Variants in RNF212B observed in about 807,000 individuals in gnomAD.
RNF212B encodes E3 ubiquitin-protein ligase RNF212B.
RNF212B carries 52 observed loss-of-function variants against 55.5 expected under a neutral mutation model. The observed-to-expected ratio is 0.94, with a 90% CI of 0.75 to 1.18. The LOEUF is 1.18. Among genes scored for constraint, RNF212B ranks in the 50% most tolerant of loss-of-function variants. The probability of loss-of-function intolerance (pLI) is 0.00; values close to 1 mark genes in which losing one functional copy is unlikely to be tolerated. For missense variants in RNF212B, 289 were observed against 350.4 expected (o/e 0.82, Z 1.40); for synonymous variants, 99 against 121.4 (o/e 0.82, Z 1.21).
intron 3 of RNF212B, 100 bp downstream of exon 3, chr14:23,243,408 AAAG>A: frequency 8.6e-7 from 1 of 1,162,612 alleles, no homozygotes; most frequent in South Asian, 1.4e-5. Context: ...AAAAGAAAGA[AAAG>A]AAGACCGGGC....
intron 2 of RNF212B, among the ~76,000 whole-genome samples, chr14:23,198,518 T>TA (rs773996986): frequency 4.0e-5 from 6 of 151,452 alleles, no homozygotes; most frequent in African/African-American, 9.7e-5. Flanking sequence ...CTACTAAAAA[T>TA]AAAAAAAATC....
At chr14:23,226,826 T>TA (rs398024552) in intron 2 of RNF212B, among the ~76,000 whole-genome samples, 20,772 of 145,054 alleles carry the variant, frequency 0.14, 1,680 homozygotes, top group Non-Finnish European at 0.17. Context: ...TTTTTTTTTT[T>TA]AATAGAGAGG....
At chr14:23,205,387 C>T (rs1879740362) in intron 2 of RNF212B, among the ~76,000 whole-genome samples, 1 of 150,288 alleles carries the variant, frequency 6.7e-6, no homozygotes, top group African/African-American at 2.4e-5. Flanking sequence ...AATAAAATAC[C>T]TATTATTGAA....
chr14:23,242,167 A>G (rs960902904), intron 2 of RNF212B, among the ~76,000 whole-genome samples: 2 of 150,144 alleles, frequency 1.3e-5, no homozygotes, highest in African/African-American at 2.4e-5. Context: ...CAAGTTAAGT[A>G]GCCTCAGGGG....
At chr14:23,211,813 C>T (rs1379994238) in intron 2 of RNF212B, among the ~76,000 whole-genome samples, 1 of 152,194 alleles carries the variant, frequency 6.6e-6, no homozygotes, top group Non-Finnish European at 1.5e-5. Context: ...ACCTCTGCCT[C>T]CAGGATTCAA....
chr14:23,196,277 C>G (rs1163532236), intron 2 of RNF212B, among the ~76,000 whole-genome samples: 1 of 152,150 alleles, frequency 6.6e-6, no homozygotes, highest in East Asian at 1.9e-4. Context: ...ATTATTCTTT[C>G]TGCTCTTTCT....
At chr14:23,237,890 G>T (rs999751318), upstream of RNF212B, among the ~76,000 whole-genome samples, 2 of 151,862 alleles carry the variant, frequency 1.3e-5, no homozygotes, top group Admixed American at 6.6e-5. Flanking sequence ...TTAGCATACC[G>T]CCAGGCCCCG....
At chr14:23,232,699 GC>G (rs1882773281) in intron 2 of RNF212B, among the ~76,000 whole-genome samples, 1 of 148,104 alleles carries the variant, frequency 6.8e-6, no homozygotes, top group African/African-American at 2.5e-5. Flanking sequence ...TGGGGGGTCA[GC>G]CCCCGCCCGG....
chr14:23,237,073 C>T (rs1026802415), upstream of RNF212B, among the ~76,000 whole-genome samples: 4 of 150,644 alleles, frequency 2.7e-5, no homozygotes, highest in African/African-American at 9.8e-5. Context: ...AAGTGATACA[C>T]CTGCCTCAGC....
intron 2 of RNF212B, among the ~76,000 whole-genome samples, chr14:23,230,771 A>C (rs1355732159): frequency 6.7e-6 from 1 of 148,246 alleles, no homozygotes; most frequent in Non-Finnish European, 1.5e-5. Context: ...TAGGTCTTTG[A>C]TCCATTTTGA....
intron 4 of RNF212B, among the ~76,000 whole-genome samples, chr14:23,246,823 A>G (rs1884016059): frequency 6.6e-6 from 1 of 152,214 alleles, no homozygotes; most frequent in Non-Finnish European, 1.5e-5. Flanking sequence ...TGAAGATCAT[A>G]TAAGTGAAAA....
intron 6 of RNF212B, 74 bp downstream of exon 6, chr14:23,260,018 T>C (rs1885180282): frequency 1.0e-5 from 7 of 700,982 alleles, no homozygotes; most frequent in Admixed American, 3.3e-5. Flanking sequence ...CTGTATAGAA[T>C]AGTGTTTCCT....
chr14:23,246,786 GT>G (rs1403162362), intron 4 of RNF212B, among the ~76,000 whole-genome samples: 1 of 152,166 alleles, frequency 6.6e-6, no homozygotes, highest in Non-Finnish European at 1.5e-5. Flanking sequence ...AAGGTTATGA[GT>G]GATCACAAAC....
intron 1 of RNF212B, among the ~76,000 whole-genome samples, chr14:23,239,993 A>AACACACAC (rs35948084): frequency 2.7e-5 from 4 of 145,622 alleles, no homozygotes; most frequent in South Asian, 4.4e-4. Context: ...AGTAAAGGAA[A>AACACACAC]ACACACACAC....
At chr14:23,207,771 G>A (rs1879989119) in intron 2 of RNF212B, among the ~76,000 whole-genome samples, 1 of 152,188 alleles carries the variant, frequency 6.6e-6, no homozygotes, top group Non-Finnish European at 1.5e-5. Flanking sequence ...CACAGCCTCA[G>A]GAAGTCCTGA....
chr14:23,189,738 G>T (rs1877938096), intron 1 of RNF212B, among the ~76,000 whole-genome samples: 1 of 152,152 alleles, frequency 6.6e-6, no homozygotes, highest in African/African-American at 2.4e-5. Context: ...GAGCCACAGG[G>T]TTGGGGCTGC....
At chr14:23,206,269 T>G (rs1879824254) in intron 2 of RNF212B, among the ~76,000 whole-genome samples, 1 of 152,172 alleles carries the variant, frequency 6.6e-6, no homozygotes, top group African/African-American at 2.4e-5. Flanking sequence ...GATACAGGGT[T>G]TCACCACGTT....
At chr14:23,219,917 C>T (rs1238187117) in intron 2 of RNF212B, among the ~76,000 whole-genome samples, 2 of 152,236 alleles carry the variant, frequency 1.3e-5, no homozygotes, top group South Asian at 2.1e-4. Context: ...GGCACGGTGG[C>T]TCACACCTGT....
intron 2 of RNF212B, among the ~76,000 whole-genome samples, chr14:23,230,365 C>A (rs1040278960): frequency 3.3e-5 from 5 of 152,116 alleles, no homozygotes; most frequent in Non-Finnish European, 7.4e-5. Flanking sequence ...ATTTAAAAAG[C>A]CATTGCCGGC....
Sources: allele counts gnomAD v4.1 joint callset (sites outside exome capture counted in the v4.1 genomes callset), GRCh38; gene constraint gnomAD v4.1.1; transcripts MANE v1.5; gene names NCBI Gene and HGNC (gene_info 2026-07-23, HGNC 2026-07-21).